Variants in DGKB observed in about 807,000 individuals in gnomAD.
The protein encoded by DGKB is diacylglycerol kinase beta, also known as 90 kDa diacylglycerol kinase.
Under a neutral mutation model 114.3 loss-of-function variants are expected in DGKB, and 67 were observed. The ratio of observed to expected loss-of-function variants is 0.59; its 90% CI spans 0.48 to 0.72. The LOEUF (loss-of-function observed/expected upper bound fraction) is 0.72, where lower values mean the gene tolerates loss of function less well. Ranked by LOEUF, DGKB falls within the 30% of genes least tolerant of loss-of-function variation. The pLI is 0.00. For synonymous variants in DGKB, 398 were observed against 323.1 expected (o/e 1.23, Z -2.49); for missense variants, 907 against 975.2 (o/e 0.93, Z 0.93).
chr7:14,563,000 AC>A (rs1399976056), intron 20 of DGKB, among the ~76,000 whole-genome samples: 1 of 152,062 alleles, frequency 6.6e-6, no homozygotes, highest in Non-Finnish European at 1.5e-5. Context: ...TGTGGGAGGG[AC>A]CCAGTGAGAG....
Position 14,596,066 on chromosome 7 carries a change from T to C in DGKB, c.1433+11368A>G, listed in dbSNP as rs1006612550. The stretch of plus-strand genomic sequence containing the variant: ...TAATAACATGACATATTGTGAGTTT[T>C]AGGTATCTTCATTGATGGCGATATT... On this transcript the variant is annotated intron_variant, in intron 17 of 25. Transcript: ENST00000402815. Among the ~76,000 whole-genome samples the C allele has an allele frequency of 3.3e-5, 5 of 152,150 alleles. No homozygotes were observed. The South Asian group carries it at 1.0e-3, about 31-fold the overall frequency.
chr7:14,816,068 C>T (rs779168585), intron 2 of DGKB, among the ~76,000 whole-genome samples: 9 of 152,114 alleles, frequency 5.9e-5, no homozygotes, highest in East Asian at 1.9e-4. Context: ...CAGTGGCTCA[C>T]GTCTGTAATC....
chr7:14,785,109 T>G (rs1363717644), intron 2 of DGKB, among the ~76,000 whole-genome samples: 3 of 152,298 alleles, frequency 2.0e-5, no homozygotes, highest in Admixed American at 2.0e-4. Context: ...ATGAACAATT[T>G]TATCTGTATT....
chr7:14,471,503 A>G (rs975389643), intron 21 of DGKB, among the ~76,000 whole-genome samples: 4 of 150,056 alleles, frequency 2.7e-5, no homozygotes, highest in African/African-American at 7.3e-5. Context: ...TACTGCTGAC[A>G]TATAAATTGA....
intron 23 of DGKB, among the ~76,000 whole-genome samples, chr7:14,211,030 T>C (rs1024332113): frequency 2.6e-5 from 4 of 152,072 alleles, no homozygotes; most frequent in African/African-American, 9.7e-5. Flanking sequence ...AGCTATCACC[T>C]TCCCCAGGGT....
At position 14,220,345 on chromosome 7, in the gene DGKB, A is replaced by C. The variant is rs77851596; in HGVS notation, c.2123-42194T>G. Among the ~76,000 whole-genome samples the C allele has an allele frequency of 4.5e-3, 689 of 151,650 alleles. 3 individuals are homozygous for C. Among genetic ancestry groups the C allele is most frequent in the Middle Eastern group, 0.01 (3 of 294 alleles). On this transcript the variant is annotated intron_variant, in intron 23 of 25. Coordinates refer to ENST00000402815, the MANE Select transcript of DGKB (RefSeq NM_001350709.2). Reference sequence around the variant, plus strand: ...GTCCAACTGCATTCTTTGTATGTAGATATCCAGTTGTCTCAGCATTTTTTG... The same window carrying C: ...GTCCAACTGCATTCTTTGTATGTAGCTATCCAGTTGTCTCAGCATTTTTTG...
chr7:14,830,164 T>A (rs943878082), intron 2 of DGKB, among the ~76,000 whole-genome samples: 1 of 151,996 alleles, frequency 6.6e-6, no homozygotes, highest in African/African-American at 2.4e-5. Flanking sequence ...AAAAATTGTA[T>A]GTGTTGATTT....
At chr7:14,450,942 C>T (rs1253785274) in intron 21 of DGKB, among the ~76,000 whole-genome samples, 2 of 152,052 alleles carry the variant, frequency 1.3e-5, no homozygotes, top group African/African-American at 2.4e-5. Flanking sequence ...GGTAATTACA[C>T]AGTCTACAAC....
intron 10 of DGKB, among the ~76,000 whole-genome samples, chr7:14,683,811 T>A (rs1009394526): frequency 6.6e-6 from 1 of 152,068 alleles, no homozygotes; most frequent in Admixed American, 6.6e-5. Context: ...TTTGGCAACA[T>A]TGAGGGAGAA....
At chr7:14,714,088 CA>C (rs1827802593) in intron 6 of DGKB, among the ~76,000 whole-genome samples, 1 of 151,114 alleles carries the variant, frequency 6.6e-6, no homozygotes, top group East Asian at 1.9e-4. Flanking sequence ...CACACACACA[CA>C]CACACACACA....
intron 23 of DGKB, among the ~76,000 whole-genome samples, chr7:14,286,025 A>T (rs536682433): frequency 6.6e-6 from 1 of 152,264 alleles, no homozygotes; most frequent in African/African-American, 2.4e-5. Flanking sequence ...TTAGAAGGTG[A>T]CAGAAATTAA....
chr7:14,886,735 C>A (rs796358665), intron 1 of DGKB, among the ~76,000 whole-genome samples: 1 of 152,020 alleles, frequency 6.6e-6, no homozygotes, highest in Non-Finnish European at 1.5e-5. Context: ...GGCCCACCTG[C>A]AGTTCATCCA....
intron 2 of DGKB, among the ~76,000 whole-genome samples, chr7:14,837,141 A>T (rs1847272609): frequency 6.6e-6 from 1 of 152,212 alleles, no homozygotes; most frequent in Non-Finnish European, 1.5e-5. Flanking sequence ...CAGATATATT[A>T]AGTTACCCAA....
chr7:14,513,896 T>C (rs1788365082), intron 20 of DGKB, among the ~76,000 whole-genome samples: 1 of 152,084 alleles, frequency 6.6e-6, no homozygotes, highest in Non-Finnish European at 1.5e-5. Flanking sequence ...AGTTAAAATG[T>C]TCTACCTTTT....
chr7:14,386,972 A>T (rs559888277), intron 21 of DGKB, among the ~76,000 whole-genome samples: 25 of 152,164 alleles, frequency 1.6e-4, no homozygotes, highest in Non-Finnish European at 4.4e-5. Context: ...TAAAATATTA[A>T]GTACTAAATG....
intron 23 of DGKB, among the ~76,000 whole-genome samples, chr7:14,179,778 AAGCTGT>A (rs1173304146): frequency 1.3e-5 from 2 of 152,232 alleles, no homozygotes; most frequent in Non-Finnish European, 2.9e-5. Flanking sequence ...TTTTAACTTT[AAGCTGT>A]AGCTGTAGCA....
At chr7:14,838,497 T>C (rs2128133773) in intron 2 of DGKB, among the ~76,000 whole-genome samples, 1 of 152,264 alleles carries the variant, frequency 6.6e-6, no homozygotes, top group South Asian at 2.1e-4. Context: ...ATCCCTTCTT[T>C]TAAAACTGGA....
intron 1 of DGKB, among the ~76,000 whole-genome samples, chr7:14,974,163 A>G (rs1787656689): frequency 6.6e-6 from 1 of 151,968 alleles, no homozygotes; most frequent in Non-Finnish European, 1.5e-5. Flanking sequence ...AACTAAAACA[A>G]GTACAAAATT....
intron 1 of DGKB, among the ~76,000 whole-genome samples, chr7:14,971,074 A>C (rs773645050): frequency 6.6e-6 from 1 of 152,188 alleles, no homozygotes; most frequent in Non-Finnish European, 1.5e-5. Context: ...CAATGAAAAC[A>C]GAACTAAGTC....
Sources: allele counts gnomAD v4.1 joint callset (sites outside exome capture counted in the v4.1 genomes callset), GRCh38; gene constraint gnomAD v4.1.1; transcripts MANE v1.5; gene names NCBI Gene and HGNC (gene_info 2026-07-23, HGNC 2026-07-21).